Variants in NKAIN2 observed in about 807,000 individuals in gnomAD.
The protein encoded by NKAIN2 is sodium/potassium-transporting ATPase subunit beta-1-interacting protein 2.
A neutral mutation model predicts 32.6 loss-of-function variants in NKAIN2; 14 were observed. The ratio of observed to expected loss-of-function variants is 0.43; its 90% confidence interval spans 0.28 to 0.67. NKAIN2 has a LOEUF of 0.67. NKAIN2 is among the 30% of genes least tolerant of loss of function. The pLI is 0.17. For synonymous variants in NKAIN2, 80 were observed against 87.2 expected, an observed-to-expected ratio of 0.92 and a Z score of 0.46; for missense variants, 198 against 258.3, an observed-to-expected ratio of 0.77 and a Z score of 1.60.
intron 1 of NKAIN2, among the ~76,000 whole-genome samples, chr6:124,244,629 A>G (rs918836440): frequency 1.3e-5 from 2 of 152,060 alleles, no homozygotes; most frequent in African/African-American, 4.8e-5. Flanking sequence ...GGTATCCACC[A>G]CCACTCCACT....
chr6:124,232,947 C>T (rs1792536542), intron 1 of NKAIN2, among the ~76,000 whole-genome samples: 2 of 152,002 alleles, frequency 1.3e-5, no homozygotes, highest in South Asian at 4.2e-4. Context: ...GTAATTGCAA[C>T]CCTTATATGC....
intron 1 of NKAIN2, among the ~76,000 whole-genome samples, chr6:124,248,933 A>G (rs1402969827): frequency 2.0e-5 from 3 of 152,126 alleles, no homozygotes; most frequent in Non-Finnish European, 4.4e-5. Flanking sequence ...TAACTATCCC[A>G]TCAGAGCATC....
intron 3 of NKAIN2, among the ~76,000 whole-genome samples, chr6:124,440,028 C>T (rs1184176125): frequency 6.6e-6 from 1 of 152,070 alleles, no homozygotes; most frequent in Non-Finnish European, 1.5e-5. Context: ...ACAAAGGACT[C>T]AGGCTGGGAT....
intron 3 of NKAIN2, among the ~76,000 whole-genome samples, chr6:124,608,984 C>G (rs185222192): frequency 8.0e-4 from 122 of 152,260 alleles, no homozygotes; most frequent in Non-Finnish European, 1.5e-3. Flanking sequence ...TGAAAATCAG[C>G]TGTCTCTTAT....
chr6:124,368,359 C>T (rs187943924), intron 3 of NKAIN2, among the ~76,000 whole-genome samples: 212 of 152,238 alleles, frequency 1.4e-3, no homozygotes, highest in Non-Finnish European at 2.3e-3. Context: ...ATCTAGATGG[C>T]AGCTACAGTT....
intron 3 of NKAIN2, among the ~76,000 whole-genome samples, chr6:124,415,983 G>A (rs1024475369): frequency 4.1e-4 from 58 of 140,422 alleles, no homozygotes; most frequent in African/African-American, 1.4e-3. Context: ...TTATAGTCCT[G>A]CATGTCCCTG....
intron 2 of NKAIN2, among the ~76,000 whole-genome samples, chr6:124,302,575 A>AT (rs1179635472): frequency 6.6e-6 from 1 of 152,104 alleles, no homozygotes; most frequent in Non-Finnish European, 1.5e-5. Flanking sequence ...CCTATCTTTG[A>AT]TTTTTGCATA....
intron 1 of NKAIN2, among the ~76,000 whole-genome samples, chr6:124,201,677 C>T (rs1040392425): frequency 2.6e-5 from 4 of 151,924 alleles, no homozygotes; most frequent in Non-Finnish European, 4.4e-5. Flanking sequence ...GTACGTCAGT[C>T]CTGTGGCCAT....
intron 3 of NKAIN2, among the ~76,000 whole-genome samples, chr6:124,497,795 A>C (rs1778119175): frequency 7.1e-6 from 1 of 140,990 alleles, no homozygotes; most frequent in South Asian, 2.3e-4. Flanking sequence ...CAAATTTCAC[A>C]GTTTTAGATT....
rs146289445 is a variant in NKAIN2, at chr6:124,741,540, C to T, written c.475-49799C>T. Among the ~76,000 whole-genome samples the T allele has an allele frequency of 2.8e-3, 420 of 151,872 alleles. 1 individual carries two copies. Among genetic ancestry groups the T allele is most frequent in the African/African-American group, 9.8e-3 (405 of 41,496 alleles). ...AACCCGCTATCAAAATATGAGGGCC[C>T]TCAGATAGAAACAAAGGGAGTGCTT... is the stretch of plus-strand genomic sequence containing the variant. On this transcript the variant is annotated intron_variant, in intron 4 of 6. Transcript: ENST00000368417.
At chr6:124,385,227 C>A (rs557642830) in intron 3 of NKAIN2, among the ~76,000 whole-genome samples, 2 of 152,156 alleles carry the variant, frequency 1.3e-5, no homozygotes, top group African/African-American at 4.8e-5. Context: ...ATTTAAAGGC[C>A]AATTGGAGGG....
chr6:123,863,093 C>G (rs970880369), intron 1 of NKAIN2, among the ~76,000 whole-genome samples: 48 of 152,176 alleles, frequency 3.2e-4, no homozygotes, highest in African/African-American at 1.1e-3. Context: ...CAGCTATTCT[C>G]TCTTGCCAAC....
In NKAIN2 at chr6:124,494,345, A is replaced by T. The variant is rs1306394423; in HGVS notation, c.273+138998A>T. 3.3e-5 allele frequency among the ~76,000 whole-genome samples: 5 copies of T among 152,128 alleles called. No individual in the cohort carries two copies. In the East Asian group the frequency reaches 5.8e-4, roughly 18 times the overall value. On this transcript the variant is annotated intron_variant, in intron 3 of 6. Coordinates refer to ENST00000368417, the MANE Select transcript of NKAIN2 (RefSeq NM_001040214.3). Reference sequence around the variant, plus strand: ...AGAGTGAGTTTTTTAAAAATATTCTAATCCAAATGCACAAGAATATTCACA... The same window carrying T: ...AGAGTGAGTTTTTTAAAAATATTCTTATCCAAATGCACAAGAATATTCACA...
At chr6:124,597,543 C>T (rs1206633106) in intron 3 of NKAIN2, among the ~76,000 whole-genome samples, 1 of 152,006 alleles carries the variant, frequency 6.6e-6, no homozygotes, top group Admixed American at 6.6e-5. Context: ...TCTTTTGACA[C>T]ACTATATATG....
At chr6:124,795,717 A>G (rs1779965603) in intron 5 of NKAIN2, among the ~76,000 whole-genome samples, 1 of 152,078 alleles carries the variant, frequency 6.6e-6, no homozygotes, top group Non-Finnish European at 1.5e-5. Context: ...CCTTGCTCAT[A>G]GGTGATACCT....
chr6:124,715,374 G>A (rs546336579), intron 4 of NKAIN2, among the ~76,000 whole-genome samples: 9 of 152,088 alleles, frequency 5.9e-5, no homozygotes, highest in East Asian at 3.9e-4. Context: ...CATTGTTCAC[G>A]CGTCTTCTGA....
At chr6:123,953,135 G>C (rs1005857685) in intron 1 of NKAIN2, among the ~76,000 whole-genome samples, 3 of 152,122 alleles carry the variant, frequency 2.0e-5, no homozygotes, top group Admixed American at 6.5e-5. Context: ...TCATTCCTTT[G>C]GTTGTTATCT....
At chr6:124,786,987 C>T (rs1779532350) in intron 4 of NKAIN2, among the ~76,000 whole-genome samples, 1 of 152,046 alleles carries the variant, frequency 6.6e-6, no homozygotes, top group African/African-American at 2.4e-5. Context: ...TATTTCTTCC[C>T]AGCTCTAGTC....
At chr6:124,237,320 C>T (rs1045823684) in intron 1 of NKAIN2, among the ~76,000 whole-genome samples, 8 of 152,116 alleles carry the variant, frequency 5.3e-5, no homozygotes, top group Non-Finnish European at 1.2e-4. Context: ...TAATACTGTT[C>T]TGGAAGCCAG....
Sources: allele counts gnomAD v4.1 joint callset (sites outside exome capture counted in the v4.1 genomes callset), GRCh38; gene constraint gnomAD v4.1.1; transcripts MANE v1.5; gene names NCBI Gene and HGNC (gene_info 2026-07-23, HGNC 2026-07-21).